The following DGKH variants were observed in gnomAD, a reference collection of about 807,000 sequenced individuals.
DGKH encodes the protein diacylglycerol kinase eta, also known as DAG kinase eta.
A neutral mutation model predicts 159.3 loss-of-function variants in DGKH; 90 were observed. The observed-to-expected ratio is 0.57, with a 90% CI of 0.48 to 0.67. DGKH has a LOEUF of 0.67. Ranked by LOEUF, DGKH falls within the 30% of genes least tolerant of loss-of-function variation. The probability of loss-of-function intolerance (pLI) is 0.00; values close to 1 mark genes in which losing one functional copy is unlikely to be tolerated. For synonymous variants in DGKH, 536 were observed against 553.8 expected (o/e 0.97, Z 0.45); for missense variants, 1,181 against 1,506.1 (o/e 0.78, Z 3.57).
chr13:42,122,181 G>A (rs979641319), intron 1 of DGKH, among the ~76,000 whole-genome samples: 1 of 152,172 alleles, frequency 6.6e-6, no homozygotes, highest in Non-Finnish European at 1.5e-5. Context: ...AGAGAAAGTG[G>A]AATGAGAGGG....
chr13:42,135,507 A>AAAAAAAAAAAAAAAAAAAGAG (rs71096557), intron 3 of DGKH, among the ~76,000 whole-genome samples: 2 of 113,404 alleles, frequency 1.8e-5, no homozygotes, highest in Non-Finnish European at 3.9e-5. Flanking sequence ...AAAAAAAAAA[A>AAAAAAAAAAAAAAAAAAAGAG]AGAGAGAGAG....
intron 13 of DGKH, among the ~76,000 whole-genome samples, chr13:42,180,152 A>G (rs918663789): frequency 6.6e-6 from 1 of 152,258 alleles, no homozygotes; most frequent in African/African-American, 2.4e-5. Flanking sequence ...CTGAAATGTC[A>G]TATCAAAATA....
chr13:42,130,888 A>G (rs193281145), intron 3 of DGKH, among the ~76,000 whole-genome samples: 1 of 152,146 alleles, frequency 6.6e-6, no homozygotes. Flanking sequence ...TTAAAATTCA[A>G]GGTTTAACCA....
Position 42,207,113 on chromosome 13 carries a change from C to CTTTCTTTCTT in DGKH, c.2601+968_2601+969insTTCTTTCTTT, listed in dbSNP as rs57817448. The stretch of plus-strand genomic sequence containing the variant: ...TCTTTCTTTCTTTCTTTCTTTCTTT[C>CTTTCTTTCTT]TCTTTCTCTCTCCTTCCTTCCTTCC... On this transcript the variant is annotated intron_variant, in intron 21 of 29. Coordinates refer to ENST00000337343, the MANE Select transcript of DGKH (RefSeq NM_178009.5). Among the ~76,000 whole-genome samples the CTTTCTTTCTT allele has an allele frequency of 2.8e-4, 22 of 77,292 alleles. 1 individual carries two copies. The highest frequency in any genetic ancestry group is 1.0e-3 in the East Asian group (3 of 3,012). 50.7% of individuals were successfully genotyped at this position (77,292 alleles called of 152,430 possible).
intron 1 of DGKH, among the ~76,000 whole-genome samples, chr13:42,074,476 A>G (rs908645726): frequency 1.5e-4 from 23 of 152,150 alleles, no homozygotes; most frequent in Admixed American, 9.8e-4. Context: ...CAAACTTTTT[A>G]TTTATCAGTG....
In DGKH at chr13:42,178,128, T is replaced by C; in HGVS notation, c.1453-7T>C. On this transcript the variant is annotated splice_region_variant and splice_polypyrimidine_tract_variant and intron_variant, in intron 12 of 29. Transcript: ENST00000337343. ...AATAATACAGTGTAGAGTTTTCTTT[T>C]CTTCAGATGACGATTTATGAAGACT... 1.2e-6 allele frequency: 2 copies of C among 1,604,454 alleles called. No individual in the cohort carries two copies. Among genetic ancestry groups the C allele is most frequent in the Middle Eastern group, 1.7e-4 (1 of 6,006 alleles).
intron 17 of DGKH, among the ~76,000 whole-genome samples, chr13:42,198,086 C>G (rs17598799): frequency 0.44 from 66,241 of 152,008 alleles, 14,745 homozygotes; most frequent in Admixed American, 0.55. Context: ...GAATATGGAA[C>G]TGATAACTCC....
At chr13:42,198,625 T>G in intron 18 of DGKH, 30 bp downstream of exon 18, 1 of 1,559,300 alleles carries the variant, frequency 6.4e-7, no homozygotes, top group African/African-American at 1.6e-5. Flanking sequence ...AATATTTTGT[T>G]TGGGTTTTTC....
intron 1 of DGKH, among the ~76,000 whole-genome samples, chr13:42,122,548 G>A (rs781010607): frequency 4.6e-5 from 7 of 152,102 alleles, no homozygotes; most frequent in Non-Finnish European, 1.0e-4. Context: ...ATTAATCTAT[G>A]TATGGATTAA....
intron 6 of DGKH, 91 bp from the exon 7 acceptor site, chr13:42,159,920 C>T: frequency 1.3e-6 from 2 of 1,586,918 alleles, no homozygotes; most frequent in Non-Finnish European, 1.7e-6. Context: ...ACTACTGACC[C>T]TCTAGAGTGA....
chr13:42,052,274 C>T (rs1050185198), intron 1 of DGKH, among the ~76,000 whole-genome samples: 5 of 152,044 alleles, frequency 3.3e-5, no homozygotes, highest in African/African-American at 1.2e-4. Flanking sequence ...TTTTTGTTCC[C>T]CTTTTCATTT....
intron 1 of DGKH, among the ~76,000 whole-genome samples, chr13:42,094,308 A>G (rs1271071822): frequency 2.6e-5 from 4 of 152,252 alleles, no homozygotes; most frequent in African/African-American, 7.2e-5. Flanking sequence ...TGATCTAACA[A>G]TTGATCAACT....
intron 3 of DGKH, among the ~76,000 whole-genome samples, chr13:42,150,530 G>A (rs1453612544): frequency 1.3e-5 from 2 of 152,194 alleles, no homozygotes; most frequent in African/African-American, 4.8e-5. Flanking sequence ...CATATTGATA[G>A]CAAAGCACTT....
At chr13:42,204,903 A>G (rs1025282787) in intron 20 of DGKH, among the ~76,000 whole-genome samples, 43 of 152,182 alleles carry the variant, frequency 2.8e-4, no homozygotes, top group Non-Finnish European at 2.1e-4. Flanking sequence ...CTTTTTAATG[A>G]GATGTCCCAT....
intron 27 of DGKH, 116 bp downstream of exon 27, chr13:42,219,465 ATGTTC>A: frequency 1.4e-6 from 2 of 1,449,960 alleles, no homozygotes; most frequent in South Asian, 1.3e-5. Context: ...CTACTTTCAA[ATGTTC>A]TGTTCTTGAA....
chr13:42,083,924 G>A (rs968151794), intron 1 of DGKH, among the ~76,000 whole-genome samples: 1 of 152,128 alleles, frequency 6.6e-6, no homozygotes, highest in African/African-American at 2.4e-5. Flanking sequence ...AAGCATGAAC[G>A]ACACGGGGAT....
chr13:42,113,462 G>A (rs1482652781), intron 1 of DGKH, among the ~76,000 whole-genome samples: 1 of 152,148 alleles, frequency 6.6e-6, no homozygotes, highest in East Asian at 1.9e-4. Flanking sequence ...ATTTAATAGA[G>A]CTTAGTGTCA....
At chr13:42,131,982 G>A (rs1027258043) in intron 3 of DGKH, among the ~76,000 whole-genome samples, 11 of 152,118 alleles carry the variant, frequency 7.2e-5, no homozygotes, top group Non-Finnish European at 1.5e-4. Flanking sequence ...TTGAAGGTGG[G>A]GTAGGGTGAG....
At chr13:42,221,451 C>G (rs1175119224) in intron 29 of DGKH, 57 bp downstream of exon 29, 10 of 1,595,052 alleles carry the variant, frequency 6.3e-6, no homozygotes, top group Non-Finnish European at 8.5e-6. Context: ...AGAATCCTTT[C>G]TCCTGTGCCT....
Sources: allele counts gnomAD v4.1 joint callset (sites outside exome capture counted in the v4.1 genomes callset), GRCh38; gene constraint gnomAD v4.1.1; transcripts MANE v1.5; gene names NCBI Gene and HGNC (gene_info 2026-07-23, HGNC 2026-07-21).